Variants in GPC5 observed in about 807,000 individuals in gnomAD.
The protein encoded by GPC5 is glypican-5.
Under a neutral mutation model 53.9 loss-of-function variants are expected in GPC5, and 47 were observed. The ratio of observed to expected loss-of-function variants is 0.87; its 90% CI spans 0.69 to 1.11. GPC5 has a LOEUF of 1.11. GPC5 is among the 50% of genes most tolerant of loss of function. The probability of loss-of-function intolerance (pLI) is 0.00; values close to 1 mark genes in which losing one functional copy is unlikely to be tolerated. For missense variants in GPC5, 748 were observed against 713.1 expected, an observed-to-expected ratio of 1.05 and a Z score of -0.56; for synonymous variants, 286 against 263.3, an observed-to-expected ratio of 1.09 and a Z score of -0.84.
chr13:91,931,040 A>C (rs763382566), intron 6 of GPC5, among the ~76,000 whole-genome samples: 13 of 152,200 alleles, frequency 8.5e-5, no homozygotes, highest in Non-Finnish European at 1.9e-4. Context: ...GAAGAATTTC[A>C]ATTACACATT....
intron 6 of GPC5, among the ~76,000 whole-genome samples, chr13:91,982,400 A>T (rs186956327): frequency 6.6e-4 from 101 of 152,348 alleles, no homozygotes; most frequent in Admixed American, 4.6e-3. Flanking sequence ...AAATGATGTA[A>T]CATCTATACC....
At chr13:92,132,657 T>C (rs560091346) in intron 6 of GPC5, among the ~76,000 whole-genome samples, 118 of 152,212 alleles carry the variant, frequency 7.8e-4, no homozygotes, top group African/African-American at 2.6e-3. Flanking sequence ...TTTATAAGAA[T>C]ACTAGTAATA....
At chr13:91,989,910 A>T (rs1258448406) in intron 6 of GPC5, among the ~76,000 whole-genome samples, 1 of 152,182 alleles carries the variant, frequency 6.6e-6, no homozygotes, top group African/African-American at 2.4e-5. Context: ...TGCCAAAGAA[A>T]ATGTGAGGAT....
chr13:92,664,587 T>G (rs1443046759), intron 7 of GPC5, among the ~76,000 whole-genome samples: 3 of 152,102 alleles, frequency 2.0e-5, no homozygotes, highest in Non-Finnish European at 2.9e-5. Flanking sequence ...AATATGCATG[T>G]GAAAAAATGT....
At chr13:91,495,714 G>T (rs1008179380) in intron 2 of GPC5, among the ~76,000 whole-genome samples, 1 of 152,152 alleles carries the variant, frequency 6.6e-6, no homozygotes, top group African/African-American at 2.4e-5. Flanking sequence ...TTCCAAAATA[G>T]GGAAAACAAA....
At chr13:92,624,726 C>T (rs1179775597) in intron 7 of GPC5, among the ~76,000 whole-genome samples, 1 of 152,148 alleles carries the variant, frequency 6.6e-6, no homozygotes, top group East Asian at 1.9e-4. Flanking sequence ...GCTTAGGGAA[C>T]CCACAGCTTT....
chr13:91,611,797 C>T (rs557374859), intron 2 of GPC5, among the ~76,000 whole-genome samples: 1 of 152,286 alleles, frequency 6.6e-6, no homozygotes, highest in South Asian at 2.1e-4. Flanking sequence ...ATCACCTTGC[C>T]AACATTACTG....
In GPC5 at chr13:92,613,349, T is replaced by C. The variant is rs866069583; in HGVS notation, c.1562-252933T>C. ...TTATATAATATAATATATTTATATA[T>C]AAATATATAATATATTTATATATAA... is the stretch of plus-strand genomic sequence containing the variant. On this transcript the variant is annotated intron_variant, in intron 7 of 7. Coordinates refer to ENST00000377067, the MANE Select transcript of GPC5 (RefSeq NM_004466.6). Among the ~76,000 whole-genome samples, 197 of 101,492 alleles carry C rather than the reference T, an allele frequency of 1.9e-3. 3 individuals carry two copies. Among genetic ancestry groups the C allele is most frequent in the African/African-American group, 7.8e-3 (192 of 24,610 alleles). 66.6% of individuals were successfully genotyped at this position (101,492 alleles called of 152,430 possible).
At chr13:92,705,923 CAAAAAAAAAA>C (rs1266345342) in intron 7 of GPC5, 1 of 130,868 alleles carries the variant, frequency 7.6e-6, no homozygotes, top group African/African-American at 2.8e-5. Flanking sequence ...TCATCTCCAC[CAAAAAAAAAA>C]AAAAAATTGC....
At chr13:92,146,368 G>A (rs2041867444) in intron 7 of GPC5, among the ~76,000 whole-genome samples, 1 of 151,936 alleles carries the variant, frequency 6.6e-6, no homozygotes, top group African/African-American at 2.4e-5. Context: ...AAATGAAAAT[G>A]ACTGTTTCAT....
intron 7 of GPC5, among the ~76,000 whole-genome samples, chr13:92,595,114 T>C (rs1236354604): frequency 6.6e-6 from 1 of 152,198 alleles, no homozygotes; most frequent in Non-Finnish European, 1.5e-5. Context: ...TGCTTTACCA[T>C]ATTTTCTGCA....
intron 2 of GPC5, among the ~76,000 whole-genome samples, chr13:91,629,700 A>G (rs142402009): frequency 9.5e-4 from 145 of 152,210 alleles, no homozygotes; most frequent in African/African-American, 3.2e-3. Flanking sequence ...GCATTTAAAC[A>G]TATAAGAGGA....
chr13:92,031,800 A>AATATATAATATATTACATATT (rs2040849613), intron 6 of GPC5, among the ~76,000 whole-genome samples: 3 of 105,940 alleles, frequency 2.8e-5, no homozygotes, highest in Admixed American at 1.4e-4. Context: ...TATTATATAT[A>AATATATAATATATTACATATT]ATATATAATA....
intron 7 of GPC5, among the ~76,000 whole-genome samples, chr13:92,297,629 G>GGGACTT (rs2043046075): frequency 6.6e-6 from 1 of 152,058 alleles, no homozygotes. Context: ...TAATCTGATG[G>GGGACTT]GGACTTGGAG....
chr13:91,923,241 GT>G (rs1334985678), intron 6 of GPC5, among the ~76,000 whole-genome samples: 1 of 152,126 alleles, frequency 6.6e-6, no homozygotes, highest in African/African-American at 2.4e-5. Context: ...AGTCCATAAT[GT>G]TTTGCGGACT....
intron 7 of GPC5, among the ~76,000 whole-genome samples, chr13:92,725,852 T>C (rs1594457756): frequency 6.6e-6 from 1 of 151,574 alleles, no homozygotes; most frequent in East Asian, 1.9e-4. Context: ...AACCTGAAAG[T>C]AGAACATGAC....
chr13:91,650,914 A>G (rs73609967), intron 2 of GPC5, among the ~76,000 whole-genome samples: 9,821 of 151,950 alleles, frequency 0.065, 1,068 homozygotes, highest in African/African-American at 0.22. Context: ...TTTAAGCAAG[A>G]CTTTCTCTTC....
intron 7 of GPC5, among the ~76,000 whole-genome samples, chr13:92,294,643 A>G (rs757937429): frequency 1.3e-5 from 2 of 151,718 alleles, no homozygotes; most frequent in Non-Finnish European, 2.9e-5. Context: ...TTACCTGTTC[A>G]AAGAACCAGC....
At chr13:92,225,086 C>T (rs1212082370) in intron 7 of GPC5, among the ~76,000 whole-genome samples, 1 of 151,898 alleles carries the variant, frequency 6.6e-6, no homozygotes, top group Non-Finnish European at 1.5e-5. Flanking sequence ...CCACCTGTTG[C>T]CCCATAGCCT....
Sources: gnomAD v4.1 joint callset for allele counts (sites outside exome capture counted in the v4.1 genomes callset) on GRCh38, gnomAD v4.1.1 for gene constraint, MANE v1.5 for transcripts, NCBI Gene and HGNC (gene_info 2026-07-23, HGNC 2026-07-21) for gene names.